The following LAMA2 variants were observed in gnomAD, a reference collection of about 807,000 sequenced individuals.
LAMA2 encodes laminin subunit alpha 2.
In LAMA2, 269 loss-of-function variants were observed where a neutral mutation model predicts 364.8. That is an observed-to-expected ratio of 0.74 (90% CI 0.67 to 0.82). The LOEUF (loss-of-function observed/expected upper bound fraction) is 0.82, where lower values mean the gene tolerates loss of function less well. Among genes scored for constraint, LAMA2 ranks in the 40% least tolerant of loss-of-function variants. LAMA2 has a pLI of 0.00. For missense variants in LAMA2, 3,807 were observed against 3,873.2 expected, an observed-to-expected ratio of 0.98 and a Z score of 0.45; for synonymous variants, 1,379 against 1,370.6, an observed-to-expected ratio of 1.01 and a Z score of -0.14.
intron 1 of LAMA2, among the ~76,000 whole-genome samples, chr6:128,918,950 G>A (rs1051044652): frequency 6.6e-6 from 1 of 152,182 alleles, no homozygotes; most frequent in Non-Finnish European, 1.5e-5. Context: ...ATGTATCAAC[G>A]TAGGTAATAT....
Position 129,270,652 on chromosome 6 carries a change from A to G in LAMA2, c.2351A>G (p.Tyr784Cys). 4 of 1,613,032 alleles carry G rather than the reference A, an allele frequency of 2.5e-6. No individual in the cohort carries two copies. Among genetic ancestry groups the G allele is most frequent in the South Asian group, 1.1e-5 (1 of 91,072 alleles). The change falls in exon 17 of 65, where the codon TAT (tyrosine) becomes TGT (cysteine). Residue 784 changes from tyrosine to cysteine, a missense_variant. By Grantham distance (194) the Tyr-to-Cys change is radical. This residue lies in a region of LAMA2 where 3,333 missense variants were observed against 3,345.7 expected (regional missense o/e 1.00). Transcript: ENST00000421865. ...TGTAAGGATCACACAGGTGGCCCAT[A>G]TTGTGATAAATGTCTTCCTGGTTTC... ...LNCKDHTGGP[Y>C]CDKCLPGFYG...
intron 1 of LAMA2, among the ~76,000 whole-genome samples, chr6:128,926,742 C>G (rs1300399846): frequency 1.3e-5 from 2 of 152,172 alleles, no homozygotes; most frequent in Admixed American, 6.5e-5. Context: ...TTCTCCTCAG[C>G]CCTTTTGAAA....
rs17056873 is a variant in LAMA2, at chr6:129,154,790, C to G, written c.1206+107C>G. The G allele has an allele frequency of 0.028, 25,277 of 893,890 alleles. 1,058 individuals carry two copies. Among genetic ancestry groups the G allele is most frequent in the East Asian group, 0.17 (6,370 of 37,796 alleles). 55.4% of individuals were successfully genotyped at this position (893,890 alleles called of 1,614,324 possible). A position where few individuals can be genotyped will look rare whatever the true frequency, so the allele number is the denominator to read the frequency against. On this transcript the variant is annotated intron_variant, in intron 8 of 64. Transcript: ENST00000421865. The stretch of plus-strand genomic sequence containing the variant: ...TTGAAAGCTTCTGTAAACAGTTGAA[C>G]TTCAAATTAAAAGGTAAGTAGGAAC...
intron 45 of LAMA2, among the ~76,000 whole-genome samples, chr6:129,451,866 G>A (rs996140809): frequency 6.6e-6 from 1 of 152,106 alleles, no homozygotes; most frequent in Non-Finnish European, 1.5e-5. Context: ...GGCTGTTTTG[G>A]TTTCTAGGCT....
In LAMA2 at chr6:129,320,132, CAAATAAAT is replaced by C. The variant is rs55860505; in HGVS notation, c.4059-386_4059-379del. The stretch of plus-strand genomic sequence containing the variant: ...TGGGTGACAGAGTGAGACTCTGTCT[CAAATAAAT>C]AAATAAATAAATAAATAAAAAGAAA... On this transcript the variant is annotated intron_variant, in intron 27 of 64. Coordinates refer to ENST00000421865, the MANE Select transcript of LAMA2 (RefSeq NM_000426.4). 6.0e-4 allele frequency among the ~76,000 whole-genome samples: 88 copies of C among 147,264 alleles called. 1 individual carries two copies. Among genetic ancestry groups the C allele is most frequent in the African/African-American group, 1.7e-3 (69 of 40,110 alleles).
chr6:129,005,748 G>A (rs1249237568), intron 1 of LAMA2, among the ~76,000 whole-genome samples: 3 of 149,928 alleles, frequency 2.0e-5, no homozygotes, highest in East Asian at 3.9e-4. Flanking sequence ...ATAATTTTTT[G>A]GATCTATCTA....
chr6:129,456,347 T>C lies in LAMA2; in HGVS notation c.6720T>C (p.Asn2240=), dbSNP rs1256427561. The part of the protein sequence containing the change: ...YRIVASRTGR[N]GTISVRALDG... ...CGTACCCTTGAAGAACTGGGAGAAA[T>C]GGAACTATTTCTGTGAGAGCCCTGG... is the stretch of plus-strand genomic sequence containing the variant. The change falls in exon 48 of 65, where the codon AAT becomes AAC. Residue 2240 remains asparagine, a synonymous_variant. Transcript: ENST00000421865. 5 of 1,613,482 alleles carry C rather than the reference T, an allele frequency of 3.1e-6. No individual in the cohort carries two copies. The highest frequency in any genetic ancestry group is 4.2e-6 in the Non-Finnish European group (5 of 1,179,592).
At chr6:129,130,054 AGCATATGG>A (rs1164684170) in intron 4 of LAMA2, among the ~76,000 whole-genome samples, 1 of 152,194 alleles carries the variant, frequency 6.6e-6, no homozygotes, top group Non-Finnish European at 1.5e-5. Context: ...GGATAGGAAG[AGCATATGG>A]TATTCCAGTG....
chr6:129,092,090 C>G (rs1379205776), intron 3 of LAMA2, among the ~76,000 whole-genome samples: 1 of 152,196 alleles, frequency 6.6e-6, no homozygotes, highest in Non-Finnish European at 1.5e-5. Flanking sequence ...ATCAGACCTA[C>G]CTCGGTGAGG....
intron 1 of LAMA2, among the ~76,000 whole-genome samples, chr6:128,917,812 T>A (rs952660938): frequency 6.7e-6 from 1 of 149,438 alleles, no homozygotes; most frequent in Non-Finnish European, 1.5e-5. Flanking sequence ...TGGCTTATTG[T>A]GCCCTTGACA....
chr6:129,409,069 A>G (rs1780392474), intron 40 of LAMA2, among the ~76,000 whole-genome samples: 1 of 152,194 alleles, frequency 6.6e-6, no homozygotes, highest in African/African-American at 2.4e-5. Context: ...GCTACAGCAC[A>G]TTAATTAGTA....
Position 129,168,974 on chromosome 6 carries a change from T to G in LAMA2, c.1306+3299T>G, listed in dbSNP as rs28782788. Among the ~76,000 whole-genome samples the G allele has an allele frequency of 9.9e-5, 15 of 151,852 alleles. No individual in the cohort carries two copies. The South Asian group carries it at 2.9e-3, about 29-fold the overall frequency. ...TGATTTGGCTCTCTGTTTGTTGTTG[T>G]TGTATAAGAATGCTTGTGACTTTTG... On this transcript the variant is annotated intron_variant, in intron 9 of 64. Transcript: ENST00000421865.
intron 1 of LAMA2, among the ~76,000 whole-genome samples, chr6:128,915,559 T>G (rs1188499771): frequency 6.6e-6 from 1 of 152,166 alleles, no homozygotes; most frequent in Non-Finnish European, 1.5e-5. Context: ...TCGGAACCCT[T>G]TCTTTTCTTC....
intron 1 of LAMA2, among the ~76,000 whole-genome samples, chr6:128,944,198 T>C (rs1780352691): frequency 6.6e-6 from 1 of 152,172 alleles, no homozygotes; most frequent in Non-Finnish European, 1.5e-5. Context: ...TGAGCACACA[T>C]CACAAAGGAT....
At chr6:129,304,062 C>T (rs9372922) in intron 22 of LAMA2, among the ~76,000 whole-genome samples, 1 of 151,638 alleles carries the variant, frequency 6.6e-6, no homozygotes, top group East Asian at 1.9e-4. Context: ...AAAGGTTAAT[C>T]AAGAAAAAAG....
At chr6:129,041,864 T>C (rs1467204743) in intron 1 of LAMA2, among the ~76,000 whole-genome samples, 1 of 152,084 alleles carries the variant, frequency 6.6e-6, no homozygotes, top group Non-Finnish European at 1.5e-5. Flanking sequence ...GCCAGCACGG[T>C]GCTGCATGCC....
At chr6:129,043,940 A>G (rs905445289) in intron 1 of LAMA2, among the ~76,000 whole-genome samples, 2 of 150,860 alleles carry the variant, frequency 1.3e-5, no homozygotes, top group African/African-American at 2.4e-5. Context: ...TCAGTGAGCA[A>G]TTTGGACAGA....
At chr6:129,022,810 A>G (rs960940061) in intron 1 of LAMA2, among the ~76,000 whole-genome samples, 1 of 152,216 alleles carries the variant, frequency 6.6e-6, no homozygotes, top group African/African-American at 2.4e-5. Flanking sequence ...AACAAAATAA[A>G]TAGAATCTCT....
At chr6:129,200,253 T>TACACGTGTATATATATAC (rs369542490) in intron 12 of LAMA2, among the ~76,000 whole-genome samples, 6 of 92,236 alleles carry the variant, frequency 6.5e-5, no homozygotes, top group Non-Finnish European at 6.9e-5. Flanking sequence ...TGTATATATA[T>TACACGTGTATATATATAC]ACGTGTACAC....
Sources: allele counts gnomAD v4.1 joint callset (sites outside exome capture counted in the v4.1 genomes callset), GRCh38; gene constraint gnomAD v4.1.1; regional missense constraint gnomAD v4.1.1; transcripts MANE v1.5; gene names NCBI Gene and HGNC (gene_info 2026-07-23, HGNC 2026-07-21).